RBFOX1: variants seen among roughly 807,000 people sequenced by gnomAD.
The protein encoded by RBFOX1 is RNA binding fox-1 homolog 1.
Under a neutral mutation model 57.7 loss-of-function variants are expected in RBFOX1, and 8 were observed. The observed-to-expected ratio is 0.14, with a 90% CI of 0.08 to 0.25. The LOEUF (loss-of-function observed/expected upper bound fraction) is 0.25, where lower values mean the gene tolerates loss of function less well. Ranked by LOEUF, RBFOX1 falls within the 10% of genes least tolerant of loss-of-function variation. The probability of loss-of-function intolerance (pLI) is 1.00; values close to 1 mark genes in which losing one functional copy is unlikely to be tolerated. For missense variants in RBFOX1, 611 were observed against 548.5 expected, an observed-to-expected ratio of 1.11 and a Z score of -1.14; for synonymous variants, 326 against 222.4, an observed-to-expected ratio of 1.47 and a Z score of -4.15.
intron 3 of RBFOX1, among the ~76,000 whole-genome samples, chr16:6,878,404 A>T (rs1205742554): frequency 6.6e-6 from 1 of 152,176 alleles, no homozygotes; most frequent in Non-Finnish European, 1.5e-5. Flanking sequence ...ATTTCAGATG[A>T]TGGATTTTCC....
At chr16:7,491,593 G>C (rs1280031877) in intron 4 of RBFOX1, among the ~76,000 whole-genome samples, 4 of 151,696 alleles carry the variant, frequency 2.6e-5, no homozygotes, top group Non-Finnish European at 5.9e-5. Flanking sequence ...TAAATTATTT[G>C]CTTTATGTAA....
intron 1 of RBFOX1, among the ~76,000 whole-genome samples, chr16:6,184,653 G>C (rs541192243): frequency 6.6e-6 from 1 of 152,216 alleles, no homozygotes; most frequent in Admixed American, 6.5e-5. Context: ...TCCGCCTCCC[G>C]GGTTCAAGCA....
intron 3 of RBFOX1, among the ~76,000 whole-genome samples, chr16:6,749,591 A>G (rs1247959035): frequency 6.6e-6 from 1 of 152,112 alleles, no homozygotes; most frequent in East Asian, 1.9e-4. Flanking sequence ...TTCTCTTTTC[A>G]TTCATTGCAC....
chr16:6,085,476 G>C (rs886149202), intron 1 of RBFOX1, among the ~76,000 whole-genome samples: 1 of 152,188 alleles, frequency 6.6e-6, no homozygotes, highest in African/African-American at 2.4e-5. Context: ...TCACCATGTT[G>C]ATCTGGCTGG....
intron 3 of RBFOX1, among the ~76,000 whole-genome samples, chr16:6,962,289 C>T (rs894616087): frequency 3.3e-5 from 5 of 152,128 alleles, no homozygotes; most frequent in Middle Eastern, 3.2e-3. Context: ...CATTGGCCCA[C>T]CCTAAATTCA....
intron 5 of RBFOX1, among the ~76,000 whole-genome samples, chr16:7,567,447 C>A (rs531140167): frequency 8.5e-6 from 1 of 116,974 alleles, no homozygotes; most frequent in Non-Finnish European, 1.8e-5. Context: ...ATATATATAT[C>A]CCTATGTATG....
chr16:5,401,379 T>C (rs1222792994), intron 1 of RBFOX1, among the ~76,000 whole-genome samples: 2 of 152,198 alleles, frequency 1.3e-5, no homozygotes, highest in Non-Finnish European at 2.9e-5. Context: ...TTCCTGTTTA[T>C]GCTCCGGTGT....
Position 5,456,374 on chromosome 16 carries a change from C to T in RBFOX1, c.220-10842C>T, listed in dbSNP as rs536690105. Among the ~76,000 whole-genome samples the T allele has an allele frequency of 9.9e-5, 15 of 152,222 alleles. No homozygotes were observed. The East Asian group carries it at 2.9e-3, about 29-fold the overall frequency. On this transcript the variant is annotated intron_variant, in intron 1 of 2. Coordinates refer to the RBFOX1 transcript ENST00000585867. The stretch of plus-strand genomic sequence containing the variant: ...CTCGCCTTGTCTGTCATCATGTTTT[C>T]CACCTCCCATGGGTTACCTTCTTTT...
intron 1 of RBFOX1, among the ~76,000 whole-genome samples, chr16:6,252,407 C>T (rs147298792): frequency 6.6e-6 from 1 of 152,002 alleles, no homozygotes; most frequent in African/African-American, 2.4e-5. Context: ...AAAAACAAAA[C>T]AAAAAAGAAG....
chr16:5,769,269 G>A (rs1031227331), intron 3 of RBFOX1, among the ~76,000 whole-genome samples: 3 of 151,956 alleles, frequency 2.0e-5, no homozygotes, highest in Non-Finnish European at 2.9e-5. Context: ...TGGAGACAGG[G>A]TGTTTATGGA....
chr16:6,612,816 C>T (rs569510426), intron 2 of RBFOX1, among the ~76,000 whole-genome samples: 79 of 147,232 alleles, frequency 5.4e-4, no homozygotes, highest in African/African-American at 1.9e-3. Flanking sequence ...CATGCCACTG[C>T]ACTCCAGCCT....
intron 2 of RBFOX1, among the ~76,000 whole-genome samples, chr16:6,651,419 A>G (rs539407460): frequency 1.3e-5 from 2 of 152,044 alleles, no homozygotes; most frequent in Admixed American, 6.6e-5. Flanking sequence ...TCCATCCACC[A>G]TCATGTCACA....
intron 3 of RBFOX1, among the ~76,000 whole-genome samples, chr16:5,757,744 G>T (rs1236202700): frequency 1.3e-5 from 2 of 152,194 alleles, no homozygotes; most frequent in African/African-American, 4.8e-5. Flanking sequence ...CTTCACAGAT[G>T]TGGAAAGTGA....
chr16:7,523,899 G>T (rs749367469), intron 5 of RBFOX1, among the ~76,000 whole-genome samples: 1 of 152,052 alleles, frequency 6.6e-6, no homozygotes. Flanking sequence ...ACATTTATGG[G>T]GTGTACCTTG....
At chr16:7,613,753 C>T (rs769765160) in intron 10 of RBFOX1, among the ~76,000 whole-genome samples, 5 of 152,102 alleles carry the variant, frequency 3.3e-5, no homozygotes, top group South Asian at 2.1e-4. Context: ...AGTCTATTAC[C>T]GTTAAGAGAA....
intron 3 of RBFOX1, among the ~76,000 whole-genome samples, chr16:6,855,845 C>CTTTCCCTCCTTG (rs1555533196): frequency 8.7e-6 from 1 of 114,674 alleles, no homozygotes; most frequent in East Asian, 3.1e-4. Context: ...TTCCCTCCCT[C>CTTTCCCTCCTTG]TTTCCCTCCC....
chr16:7,677,157 A>ACACACACACACACACACACC (rs2073566230), intron 14 of RBFOX1, among the ~76,000 whole-genome samples: 1 of 151,332 alleles, frequency 6.6e-6, no homozygotes, highest in African/African-American at 2.4e-5. Flanking sequence ...ACACACACAC[A>ACACACACACACACACACACC]CACCGTACAA....
At chr16:7,131,214 C>T (rs554544405) in intron 4 of RBFOX1, among the ~76,000 whole-genome samples, 14 of 151,928 alleles carry the variant, frequency 9.2e-5, no homozygotes, top group South Asian at 4.2e-4. Flanking sequence ...GGTGTGGTAT[C>T]GCACACCTGT....
chr16:5,951,805 G>T (rs2059525587), intron 4 of RBFOX1, among the ~76,000 whole-genome samples: 1 of 151,156 alleles, frequency 6.6e-6, no homozygotes. Context: ...AAAAGTTAAA[G>T]TTGTTAAAAG....
Sources: allele counts gnomAD v4.1 joint callset (sites outside exome capture counted in the v4.1 genomes callset), GRCh38; gene constraint gnomAD v4.1.1; transcripts MANE v1.5; gene names NCBI Gene and HGNC (gene_info 2026-07-23, HGNC 2026-07-21).